The following MLXIPL variants were observed in gnomAD, a reference collection of about 807,000 sequenced individuals.
The protein encoded by MLXIPL is MLX interacting protein like, also known as carbohydrate-responsive element-binding protein.
MLXIPL carries 49 observed loss-of-function variants against 81.5 expected under a neutral mutation model. That is an observed-to-expected ratio of 0.60 (90% CI 0.48 to 0.76). The LOEUF is 0.76. Among genes scored for constraint, MLXIPL ranks in the 30% least tolerant of loss-of-function variants. The pLI, the probability that MLXIPL is intolerant of heterozygous loss-of-function variation, is 0.00. For synonymous variants in MLXIPL, 466 were observed against 485.5 expected (o/e 0.96, Z 0.53); for missense variants, 1,053 against 1,167.0 (o/e 0.90, Z 1.42).
chr7:73,624,488 G>A lies in MLXIPL; in HGVS notation c.5C>T (p.Ala2Val), dbSNP rs1554603193. ...CGCGGCCAGACCTGCCAGCGCGCCGGCCATGGCTGTCGCCGCCGCAACCGC... is the reference window on the plus strand; with the variant it reads ...CGCGGCCAGACCTGCCAGCGCGCCGACCATGGCTGTCGCCGCCGCAACCGC... M[A>V]GALAGLAAGL... The change falls in exon 1 of 17, where the codon GCC (alanine) becomes GTC (valine). Residue 2 changes from alanine to valine, a missense_variant. By Grantham distance (64) the Ala-to-Val change is moderately conservative (BLOSUM62 0). This residue lies in a region of MLXIPL where 226 missense variants were observed against 216.2 expected (regional missense o/e 1.05). Transcript: ENST00000313375. The A allele has an allele frequency of 2.0e-6, 3 of 1,526,104 alleles. No individual in the cohort carries two copies. Among genetic ancestry groups the A allele is most frequent in the African/African-American group, 2.8e-5 (2 of 71,426 alleles). 94.5% of individuals were successfully genotyped at this position (1,526,104 alleles called of 1,614,324 possible).
Position 73,595,657 on chromosome 7 carries a change from G to T in MLXIPL, c.2290C>A (p.His764Asn). The T allele has an allele frequency of 1.2e-6, 2 of 1,614,206 alleles. No homozygotes were observed. Among genetic ancestry groups the T allele is most frequent in the Non-Finnish European group, 8.5e-7 (1 of 1,180,028 alleles). The change falls in exon 15 of 17, where the codon CAC (histidine) becomes AAC (asparagine). Residue 764 changes from histidine to asparagine, a missense_variant. This residue lies in a region of MLXIPL where 823 missense variants were observed against 933.0 expected (regional missense o/e 0.88). Transcript: ENST00000313375. ...FDDYVRTRTL[H>N]NWKFWVFSIL... The stretch of plus-strand genomic sequence containing the variant: ...GATACCACCCAGAACTTCCAGTTGT[G>T]CAGCGTACGGGTTCGGACGTAGTCA...
In MLXIPL at chr7:73,594,330, C is replaced by A. The variant is rs200316433; in HGVS notation, c.2384G>T (p.Arg795Leu). 6.2e-7 allele frequency: 1 copy of A among 1,611,248 alleles called. No homozygotes were observed. Among genetic ancestry groups the A allele is most frequent in the East Asian group, 2.2e-5 (1 of 44,866 alleles). ...GTCCAGCCAGGCCAGTGAGGTCTGG[C>A]GGAGGGTGTGCACACTTGCCGTGGA... is the stretch of plus-strand genomic sequence containing the variant. ...MVSTASVHTLRQTSLAWLDQY... is the reference protein window; with the variant it reads ...MVSTASVHTLLQTSLAWLDQY... Residue 795 changes from arginine (R) to leucine (L), a missense_variant, in exon 16 of 17, where the codon CGC becomes CTC. By Grantham distance (102) the Arg-to-Leu change is moderately radical (BLOSUM62 -2). Around this residue, in one of 3 missense-constraint regions of MLXIPL, gnomAD observed 823 missense variants for 933.0 expected, o/e 0.88. Coordinates refer to ENST00000313375, the MANE Select transcript of MLXIPL (RefSeq NM_032951.3).
chr7:73,596,978 C>T lies in MLXIPL; in HGVS notation c.1604-46G>A, dbSNP rs200094910. 46 of 1,581,956 alleles carry T rather than the reference C, an allele frequency of 2.9e-5. No homozygotes were observed. In the African/African-American group the frequency reaches 3.9e-4, roughly 13 times the overall value. ...GAGGCTACTGGGGCTGGCCCACCCC[C>T]GGCATCTATCAAGACCCCATCCTGC... On this transcript the variant is annotated intron_variant, in intron 9 of 16. Coordinates refer to ENST00000313375, the MANE Select transcript of MLXIPL (RefSeq NM_032951.3). The surrounding 1 kb of genome is among the most constrained non-coding windows in gnomAD (Gnocchi z 4.7).
upstream of MLXIPL, among the ~76,000 whole-genome samples, chr7:73,627,422 T>C (rs968033779): frequency 7.2e-5 from 11 of 152,042 alleles, no homozygotes; most frequent in Admixed American, 5.3e-4. Flanking sequence ...CTAATTTTTG[T>C]ATTTTTAGTA....
the MLXIPL span, among the ~76,000 whole-genome samples, chr7:73,642,486 G>A: frequency 6.6e-6 from 1 of 152,144 alleles, no homozygotes; most frequent in East Asian, 1.9e-4. Flanking sequence ...GGAGTAGCTG[G>A]GACTACAGAT....
chr7:73,608,413 C>T (rs1272327702), intron 2 of MLXIPL, among the ~76,000 whole-genome samples: 1 of 151,916 alleles, frequency 6.6e-6, no homozygotes, highest in Non-Finnish European at 1.5e-5. Flanking sequence ...ATGGTGAAAC[C>T]CCGTCTCCAC....
At chr7:73,624,613 G>A (rs541450997), upstream of MLXIPL, 11 of 1,382,258 alleles carry the variant, frequency 8.0e-6, no homozygotes, top group African/African-American at 3.1e-5. Context: ...GGTGGGCGGG[G>A]CCTGGGACGG....
At chr7:73,620,307 G>C (rs938158605) in intron 1 of MLXIPL, among the ~76,000 whole-genome samples, 9 of 151,958 alleles carry the variant, frequency 5.9e-5, no homozygotes, top group Non-Finnish European at 1.2e-4. Context: ...GGGAGGCTGA[G>C]GCAGGAGAAT....
At chr7:73,621,780 CCTCCCTCCCTCCATCTCCTTCCCT>C (rs1796383929) in intron 1 of MLXIPL, among the ~76,000 whole-genome samples, 1 of 90,230 alleles carries the variant, frequency 1.1e-5, no homozygotes, top group South Asian at 5.2e-4. Context: ...TCTCTCCCTT[CCTCCCTCCCTCCATCTCCTTCCCT>C]CTCCCTCCCT....
At position 73,606,936 on chromosome 7, in the gene MLXIPL, A is replaced by G. The variant is rs782614587; in HGVS notation, c.618+38T>C. ...TGCCTCCCATCTACTTGGGGGGCAA[A>G]GGGATGCCCTTGCCTGCTGGACTTA... On this transcript the variant is annotated intron_variant, in intron 5 of 16. Transcript: ENST00000313375. 4 of 1,608,206 alleles carry G rather than the reference A, an allele frequency of 2.5e-6. No homozygotes were observed. The South Asian group carries it at 4.4e-5, about 18-fold the overall frequency.
chr7:73,646,609 G>C, the MLXIPL span, among the ~76,000 whole-genome samples: 1 of 152,110 alleles, frequency 6.6e-6, no homozygotes, highest in Non-Finnish European at 1.5e-5. Flanking sequence ...AGTGAGATGG[G>C]TCATCTTCTC....
chr7:73,641,163 G>GA, the MLXIPL span, among the ~76,000 whole-genome samples: 1 of 152,034 alleles, frequency 6.6e-6, no homozygotes, highest in East Asian at 1.9e-4. Flanking sequence ...GTGTAGTGGC[G>GA]AGTGCCTTAG....
At chr7:73,608,539 G>A (rs1274518559) in intron 2 of MLXIPL, among the ~76,000 whole-genome samples, 5 of 151,488 alleles carry the variant, frequency 3.3e-5, no homozygotes, top group Admixed American at 6.6e-5. Flanking sequence ...GTGAGATCAC[G>A]CCACTGCATT....
At chr7:73,629,972 AT>A in the MLXIPL span, among the ~76,000 whole-genome samples, 1,579 of 93,372 alleles carry the variant, frequency 0.017, 21 homozygotes, top group Non-Finnish European at 0.026. Flanking sequence ...CTTTTTTATT[AT>A]TTTTATTTAT....
At chr7:73,640,422 GA>G in the MLXIPL span, among the ~76,000 whole-genome samples, 6 of 145,798 alleles carry the variant, frequency 4.1e-5, no homozygotes, top group African/African-American at 1.3e-4. Flanking sequence ...AAAAGAAAAA[GA>G]AAAAAAGAAA....
chr7:73,596,096 G>T lies in MLXIPL; in HGVS notation c.2058+57C>A. The T allele has an allele frequency of 6.2e-7, 1 of 1,601,338 alleles. No individual in the cohort carries two copies. Among genetic ancestry groups the T allele is most frequent in the South Asian group, 1.1e-5 (1 of 90,576 alleles). On this transcript the variant is annotated intron_variant, in intron 13 of 16. Transcript: ENST00000313375. This position sits in a 1 kb window ranked among gnomAD's most constrained non-coding sequence, Gnocchi z 4.7. The stretch of plus-strand genomic sequence containing the variant: ...CCCTGCAATTGAGTTTTGGGTGGGG[G>T]GGGTCCAGAAAGGGGCCCTGTGGTT...
In MLXIPL at chr7:73,594,354, G is replaced by C; in HGVS notation, c.2360C>G (p.Ser787Cys). The change falls in exon 16 of 17, where the codon TCC (serine) becomes TGC (cysteine). Residue 787 changes from serine (S) to cysteine (C), a missense_variant. Ser to Cys is a moderately radical substitution (Grantham distance 112). Transcript: ENST00000313375. ...PLFESFNGMV[S>C]TASVHTLRQT... Reference sequence around the variant, plus strand: ...GCGGAGGGTGTGCACACTTGCCGTGGACACCATCCCGTTGAAGGACTCAAA... The same window carrying C: ...GCGGAGGGTGTGCACACTTGCCGTGCACACCATCCCGTTGAAGGACTCAAA... 1 of 1,609,374 alleles carries C rather than the reference G, an allele frequency of 6.2e-7. No homozygotes were observed. Among genetic ancestry groups the C allele is most frequent in the Non-Finnish European group, 8.5e-7 (1 of 1,179,980 alleles).
chr7:73,636,475 G>A, the MLXIPL span, among the ~76,000 whole-genome samples: 1 of 151,988 alleles, frequency 6.6e-6, no homozygotes, highest in African/African-American at 2.4e-5. Flanking sequence ...TTCTGGGAGG[G>A]AAGAGCTGGA....
At chr7:73,624,104 TG>T in intron 1 of MLXIPL, 95 bp downstream of exon 1, 1 of 1,420,040 alleles carries the variant, frequency 7.0e-7, no homozygotes, top group Non-Finnish European at 9.3e-7. Flanking sequence ...CGGGCTCGGG[TG>T]GGGTGTTGAG....
Sources: allele counts gnomAD v4.1 joint callset (sites outside exome capture counted in the v4.1 genomes callset), GRCh38; gene constraint gnomAD v4.1.1; regional missense constraint gnomAD v4.1.1; non-coding constraint Gnocchi (gnomAD v3.1); transcripts MANE v1.5; gene names NCBI Gene and HGNC (gene_info 2026-07-23, HGNC 2026-07-21).